The following ARL15 variants were observed in gnomAD, a reference collection of about 807,000 sequenced individuals.
ARL15 encodes the protein ARF like GTPase 15, also known as ADP-ribosylation factor-like protein 15.
ARL15 carries 19 observed loss-of-function variants against 25.2 expected under a neutral mutation model. The observed-to-expected ratio is 0.75, with a 90% confidence interval of 0.53 to 1.10. The LOEUF (loss-of-function observed/expected upper bound fraction) is 1.10. Ranked by LOEUF, ARL15 falls within the 50% of genes least tolerant of loss-of-function variation. The pLI is 0.00. For missense variants in ARL15, 220 were observed against 246.0 expected (o/e 0.89, Z 0.71); for synonymous variants, 94 against 86.8 (o/e 1.08, Z -0.46).
At chr5:53,939,458 C>T (rs951331573) in intron 4 of ARL15, among the ~76,000 whole-genome samples, 14 of 152,152 alleles carry the variant, frequency 9.2e-5, no homozygotes, top group African/African-American at 3.1e-4. Context: ...GATGCTGGGC[C>T]GGGCGCGATG....
chr5:54,249,056 T>TA (rs920226700), intron 1 of ARL15, among the ~76,000 whole-genome samples: 19 of 149,840 alleles, frequency 1.3e-4, no homozygotes, highest in Non-Finnish European at 2.2e-4. Context: ...TAATAAAAAA[T>TA]AAAAAAAAGA....
At chr5:54,138,138 T>C (rs184163634) in intron 3 of ARL15, among the ~76,000 whole-genome samples, 1 of 152,296 alleles carries the variant, frequency 6.6e-6, no homozygotes, top group East Asian at 1.9e-4. Context: ...ATCTCTATTA[T>C]TATATTTAGG....
intron 4 of ARL15, among the ~76,000 whole-genome samples, chr5:54,000,982 A>G (rs951149987): frequency 1.3e-5 from 2 of 152,198 alleles, no homozygotes; most frequent in African/African-American, 4.8e-5. Flanking sequence ...TGCTGTTACT[A>G]TCTTGAAATT....
intron 4 of ARL15, among the ~76,000 whole-genome samples, chr5:54,073,363 T>C (rs932028946): frequency 6.6e-6 from 1 of 152,184 alleles, no homozygotes; most frequent in East Asian, 1.9e-4. Flanking sequence ...ACAAAACACA[T>C]TGCCCAAACT....
chr5:54,153,902 T>C (rs927221181), intron 3 of ARL15, among the ~76,000 whole-genome samples: 7 of 152,166 alleles, frequency 4.6e-5, no homozygotes, highest in African/African-American at 1.7e-4. Context: ...TCCTAAGTCA[T>C]TAAACTCACC....
intron 1 of ARL15, among the ~76,000 whole-genome samples, chr5:54,173,987 C>A (rs1011315341): frequency 5.3e-5 from 8 of 152,140 alleles, no homozygotes; most frequent in African/African-American, 1.9e-4. Flanking sequence ...ATCCCATCCT[C>A]AGGGCAGTCT....
intron 2 of ARL15, among the ~76,000 whole-genome samples, chr5:54,166,970 C>A (rs987313632): frequency 6.6e-6 from 1 of 152,084 alleles, no homozygotes; most frequent in African/African-American, 2.4e-5. Context: ...CATTACCAGA[C>A]AACCATCTGA....
intron 1 of ARL15, among the ~76,000 whole-genome samples, chr5:54,286,866 CTT>C (rs529169299): frequency 3.2e-4 from 40 of 126,126 alleles, no homozygotes; most frequent in Admixed American, 4.9e-4. Context: ...ATTTGCAGGG[CTT>C]TTTTTTTTTT....
intron 1 of ARL15, among the ~76,000 whole-genome samples, chr5:54,254,983 G>T (rs1757328364): frequency 2.0e-5 from 3 of 152,158 alleles, no homozygotes; most frequent in Non-Finnish European, 1.5e-5. Flanking sequence ...GTCCCGTTGT[G>T]ATCTGAATGT....
intron 4 of ARL15, among the ~76,000 whole-genome samples, chr5:54,089,875 A>G (rs1194094695): frequency 6.6e-6 from 1 of 152,212 alleles, no homozygotes; most frequent in African/African-American, 2.4e-5. Context: ...ACGAATGTAT[A>G]TTTCTTGTAT....
chr5:54,030,531 C>A (rs1180971984), intron 4 of ARL15, among the ~76,000 whole-genome samples: 1 of 152,110 alleles, frequency 6.6e-6, no homozygotes, highest in Non-Finnish European at 1.5e-5. Flanking sequence ...GAGAAAGCTA[C>A]CTGAGCTGAG....
intron 4 of ARL15, among the ~76,000 whole-genome samples, chr5:53,974,456 T>C (rs1747865463): frequency 6.6e-6 from 1 of 152,238 alleles, no homozygotes; most frequent in Admixed American, 6.5e-5. Flanking sequence ...TTAATTATTT[T>C]AAAAGCAAAC....
At position 53,885,865 on chromosome 5, in the gene ARL15, A is replaced by T. The variant is rs538092852; in HGVS notation, c.*696T>A. On this transcript the variant is annotated 3_prime_UTR_variant, in exon 5 of 5. Transcript: ENST00000504924. ...TCTGTGATGCATGCATTGTACCTAA[A>T]TTTCCTCTAACCACTCTCAGAAACT... The T allele has an allele frequency of 1.8e-3, 270 of 152,258 alleles. No homozygotes were observed. The highest frequency in any genetic ancestry group is 6.8e-3 in the Middle Eastern group (2 of 294). 9.4% of individuals were successfully genotyped at this position (152,258 alleles called of 1,614,324 possible).
At chr5:53,918,012 T>C (rs1026645776) in intron 4 of ARL15, among the ~76,000 whole-genome samples, 2 of 152,148 alleles carry the variant, frequency 1.3e-5, no homozygotes, top group African/African-American at 4.8e-5. Flanking sequence ...TTAGAAATCA[T>C]ACGACATATG....
At chr5:53,930,911 C>G (rs1362893773) in intron 4 of ARL15, among the ~76,000 whole-genome samples, 2 of 152,094 alleles carry the variant, frequency 1.3e-5, no homozygotes, top group African/African-American at 4.8e-5. Flanking sequence ...GAATTCTGGG[C>G]AGTAGATTCA....
intron 1 of ARL15, among the ~76,000 whole-genome samples, chr5:54,307,249 A>G (rs1202700104): frequency 3.3e-5 from 5 of 152,240 alleles, no homozygotes; most frequent in Admixed American, 3.3e-4. Context: ...TCAAGTTAAG[A>G]GTAAAGGATA....
At chr5:53,986,423 AG>A (rs1212417717) in intron 4 of ARL15, among the ~76,000 whole-genome samples, 1 of 152,228 alleles carries the variant, frequency 6.6e-6, no homozygotes, top group Non-Finnish European at 1.5e-5. Flanking sequence ...CAGAGCTAAG[AG>A]TTCAGATCAG....
intron 1 of ARL15, among the ~76,000 whole-genome samples, chr5:54,270,649 C>G (rs970033321): frequency 6.6e-6 from 1 of 152,214 alleles, no homozygotes; most frequent in African/African-American, 2.4e-5. Flanking sequence ...CATGGCCCTT[C>G]TAAAGGAAGC....
rs2112210913 is a variant in ARL15 at position 54,111,107 on chromosome 5, T to C, written c.462+2095A>G. ...ATTAAAGCAGTCTAAAGTGTAGACA[T>C]GCACCTGTATGGTATATGTTTATTT... On this transcript the variant is annotated intron_variant, in intron 4 of 4. Transcript: ENST00000504924. Among the ~76,000 whole-genome samples the C allele has an allele frequency of 3.9e-5, 6 of 152,174 alleles. 1 individual carries two copies. The highest frequency in any genetic ancestry group is 3.9e-4 in the Admixed American group (6 of 15,278).
Sources: gnomAD v4.1 joint callset for allele counts (sites outside exome capture counted in the v4.1 genomes callset) on GRCh38, gnomAD v4.1.1 for gene constraint, MANE v1.5 for transcripts, NCBI Gene and HGNC (gene_info 2026-07-23, HGNC 2026-07-21) for gene names.